The following SHROOM4 variants were observed in gnomAD, a reference collection of about 807,000 sequenced individuals.
SHROOM4 encodes the protein protein Shroom4.
Under a neutral mutation model 80.3 loss-of-function variants are expected in SHROOM4, and 17 were observed. That is an observed-to-expected ratio of 0.21 (90% CI 0.14 to 0.32). The LOEUF (loss-of-function observed/expected upper bound fraction) is 0.32. SHROOM4 is among the 10% of genes least tolerant of loss of function. SHROOM4 has a pLI of 1.00. For missense variants in SHROOM4, 993 were observed against 1,140.3 expected, an observed-to-expected ratio of 0.87 and a Z score of 1.86; for synonymous variants, 400 against 437.5, an observed-to-expected ratio of 0.91 and a Z score of 1.07.
chrX:50,601,566 G>A (rs1929408222), intron 7 of SHROOM4, among the ~76,000 whole-genome samples: 3 of 112,034 alleles, frequency 2.7e-5, no homozygotes, highest in Non-Finnish European at 5.6e-5. Flanking sequence ...CTTTGAGGTT[G>A]CCATGACAAC....
intron 1 of SHROOM4, among the ~76,000 whole-genome samples, chrX:50,734,803 C>G (rs1041769699): frequency 2.7e-5 from 3 of 111,049 alleles, no homozygotes; most frequent in Non-Finnish European, 5.7e-5. Flanking sequence ...GGGGCAGTTT[C>G]CCCCATACTG....
chrX:50,675,969 G>A (rs782094967), intron 2 of SHROOM4, among the ~76,000 whole-genome samples: 4 of 111,591 alleles, frequency 3.6e-5, no homozygotes, highest in African/African-American at 9.7e-5. Context: ...GGGAGGTAAG[G>A]ATCTGCTGAA....
chrX:50,708,883 A>G (rs967045301), intron 1 of SHROOM4, among the ~76,000 whole-genome samples: 2 of 112,041 alleles, frequency 1.8e-5, no homozygotes, highest in Non-Finnish European at 3.8e-5. Context: ...AGCAAAGGAA[A>G]AGAAACTGAC....
intron 5 of SHROOM4, among the ~76,000 whole-genome samples, chrX:50,618,507 A>C (rs782563783): frequency 1.2e-4 from 13 of 108,168 alleles, no homozygotes; most frequent in Non-Finnish European, 2.3e-4. Flanking sequence ...CCCAGGTTCA[A>C]GTGATTCTCA....
intron 1 of SHROOM4, among the ~76,000 whole-genome samples, chrX:50,729,388 T>C (rs1934314315): frequency 9.0e-6 from 1 of 111,489 alleles, no homozygotes; most frequent in African/African-American, 3.3e-5. Flanking sequence ...AAATATTCAC[T>C]AGAGATTTAA....
rs1030414595 is a variant in SHROOM4, at chrX:50,768,392, C to T, written c.117+45510G>A. Among the ~76,000 whole-genome samples the T allele has an allele frequency of 3.6e-5, 4 of 111,831 alleles. No homozygotes were observed. In the Admixed American group the frequency reaches 3.8e-4, roughly 11 times the overall value. On this transcript the variant is annotated intron_variant, in intron 1 of 8. Transcript: ENST00000376020. ...GCCACACAACCAACAAAACAAAACA[C>T]TCAGAAGAAATTTAAGCTTTGAAAA...
chrX:50,650,295 A>ATACTT (rs1931991350), intron 2 of SHROOM4, among the ~76,000 whole-genome samples: 2 of 112,071 alleles, frequency 1.8e-5, no homozygotes, highest in African/African-American at 6.5e-5. Flanking sequence ...TTTATTTTTC[A>ATACTT]TACTTTTAAA....
intron 1 of SHROOM4, among the ~76,000 whole-genome samples, chrX:50,811,572 G>A (rs1187976224): frequency 3.6e-5 from 4 of 111,474 alleles, no homozygotes; most frequent in African/African-American, 1.3e-4. Flanking sequence ...AAGCTGTATT[G>A]TTCTGAATCA....
intron 1 of SHROOM4, among the ~76,000 whole-genome samples, chrX:50,701,216 AACTCAGCCC>A (rs1410487419): frequency 9.0e-6 from 1 of 111,623 alleles, no homozygotes; most frequent in Non-Finnish European, 1.9e-5. Context: ...TCTTTGCCAA[AACTCAGCCC>A]AGTGCCACCA....
intron 2 of SHROOM4, among the ~76,000 whole-genome samples, chrX:50,645,415 T>C (rs1931790349): frequency 8.9e-6 from 1 of 112,214 alleles, no homozygotes; most frequent in African/African-American, 3.2e-5. Context: ...CAATCCCCAC[T>C]TCCTAACAAA....
intron 1 of SHROOM4, among the ~76,000 whole-genome samples, chrX:50,713,859 C>G (rs185692235): frequency 3.6e-4 from 40 of 111,909 alleles, no homozygotes; most frequent in African/African-American, 1.3e-3. Flanking sequence ...GTTGCCTGTA[C>G]TTTTGAGGTC....
intron 1 of SHROOM4, among the ~76,000 whole-genome samples, chrX:50,744,019 G>T (rs1216136367): frequency 1.8e-5 from 2 of 110,980 alleles, no homozygotes; most frequent in African/African-American, 6.6e-5. Context: ...ATTTTCCTCT[G>T]GCTGCTTTCA....
At chrX:50,712,881 C>T (rs1477327987) in intron 1 of SHROOM4, among the ~76,000 whole-genome samples, 1 of 111,293 alleles carries the variant, frequency 9.0e-6, no homozygotes, top group Non-Finnish European at 1.9e-5. Context: ...CCATCATTCA[C>T]TAATTGGTAT....
intron 2 of SHROOM4, chrX:50,643,379 G>A (rs1557257490): frequency 9.0e-6 from 1 of 111,278 alleles, no homozygotes; most frequent in Non-Finnish European, 1.9e-5. Flanking sequence ...GACTCTCGTT[G>A]ACAAACCCTC....
chrX:50,653,132 G>C lies in SHROOM4; in HGVS notation c.270-14824C>G, dbSNP rs782469067. On this transcript the variant is annotated intron_variant, in intron 2 of 8. Coordinates refer to ENST00000376020, the MANE Select transcript of SHROOM4 (RefSeq NM_020717.5). ...AGTCAATGGTAACTTGATGGGGAGA[G>C]CACTGAATCTATAAATTACTTTGGG... Among the ~76,000 whole-genome samples the C allele has an allele frequency of 9.0e-5, 10 of 111,660 alleles. No individual in the cohort carries two copies. The South Asian group carries it at 3.4e-3, about 38-fold the overall frequency.
intron 1 of SHROOM4, among the ~76,000 whole-genome samples, chrX:50,766,741 A>G (rs782004575): frequency 8.9e-6 from 1 of 112,089 alleles, no homozygotes; most frequent in Admixed American, 9.5e-5. Context: ...TGTAAAAAGG[A>G]ATAGTTTTGC....
intron 5 of SHROOM4, among the ~76,000 whole-genome samples, chrX:50,610,350 T>TCACACACA (rs1182083540): frequency 9.3e-5 from 6 of 64,469 alleles, no homozygotes; most frequent in African/African-American, 2.4e-4. Flanking sequence ...TCTCTCTCTC[T>TCACACACA]CTCACACACA....
chrX:50,737,578 C>G (rs1309236621), intron 1 of SHROOM4, among the ~76,000 whole-genome samples: 1 of 111,482 alleles, frequency 9.0e-6, no homozygotes, highest in Non-Finnish European at 1.9e-5. Context: ...ACAAAATGGA[C>G]TTTATGACAA....
At chrX:50,603,365 C>T (rs782553035) in intron 6 of SHROOM4, among the ~76,000 whole-genome samples, 40 of 110,540 alleles carry the variant, frequency 3.6e-4, no homozygotes, top group Admixed American at 1.3e-3. Flanking sequence ...GAAATGGACC[C>T]TCTGCTGCAG....
Sources: allele counts gnomAD v4.1 joint callset (sites outside exome capture counted in the v4.1 genomes callset), GRCh38; gene constraint gnomAD v4.1.1; transcripts MANE v1.5; gene names NCBI Gene and HGNC (gene_info 2026-07-23, HGNC 2026-07-21).